ACSM2A: variants seen among roughly 807,000 people sequenced by gnomAD.
ACSM2A encodes acyl-CoA synthetase medium chain family member 2A.
A neutral mutation model predicts 76.6 loss-of-function variants in ACSM2A; 72 were observed. The observed-to-expected ratio is 0.94, with a 90% CI of 0.78 to 1.14. The LOEUF (loss-of-function observed/expected upper bound fraction) is 1.14, where lower values mean the gene tolerates loss of function less well. Ranked by LOEUF, ACSM2A falls within the 50% of genes most tolerant of loss-of-function variation. The pLI, the probability that ACSM2A is intolerant of heterozygous loss-of-function variation, is 0.00. For synonymous variants in ACSM2A, 249 were observed against 255.9 expected (o/e 0.97, Z 0.26); for missense variants, 684 against 708.5 (o/e 0.97, Z 0.39).
chr16:20,484,997 C>T (rs959617631), intron 13 of ACSM2A, among the ~76,000 whole-genome samples: 1 of 152,118 alleles, frequency 6.6e-6, no homozygotes, highest in Non-Finnish European at 1.5e-5. Flanking sequence ...TTGGGTTCAA[C>T]GTTCACCTCC....
Position 20,471,207 on chromosome 16 carries a change from T to A in ACSM2A, c.731T>A (p.Met244Lys), listed in dbSNP as rs370892610. The change falls in exon 5 of 14, where the codon ATG becomes AAG. Residue 244 changes from methionine to lysine, a missense_variant. Around this residue, in one of 3 missense-constraint regions of ACSM2A, gnomAD observed 519 missense variants for 549.5 expected, o/e 0.94. Coordinates refer to ENST00000573854, the MANE Select transcript of ACSM2A (RefSeq NM_001308172.2). The stretch of plus-strand genomic sequence containing the variant: ...TCGAGCCTGGGCCTCAAGGCCAAGA[T>A]GGATGCTGGGTAAGCTGAGCTCTTT... ...SYSSLGLKAK[M>K]DAGWTGLQAS... 6.2e-7 allele frequency: 1 copy of A among 1,610,070 alleles called. No individual in the cohort carries two copies. The highest frequency in any genetic ancestry group is 1.7e-5 in the Admixed American group (1 of 59,760).
chr16:20,480,805 G>A lies in ACSM2A; in HGVS notation c.1410-17G>A, dbSNP rs372341902. 9 of 1,613,782 alleles carry A rather than the reference G, an allele frequency of 5.6e-6. No homozygotes were observed. The highest frequency in any genetic ancestry group is 4.0e-5 in the African/African-American group (3 of 74,888). On this transcript the variant is annotated splice_polypyrimidine_tract_variant and intron_variant, in intron 11 of 13. Coordinates refer to ENST00000573854, the MANE Select transcript of ACSM2A (RefSeq NM_001308172.2). The stretch of plus-strand genomic sequence containing the variant: ...GTTCGGTGTCCAGTGTTCTCTGAAG[G>A]ACAGGTTCTTCTGCAGGTACCGGAT...
chr16:20,470,039 G>C (rs1471646182), intron 4 of ACSM2A, among the ~76,000 whole-genome samples: 1 of 152,108 alleles, frequency 6.6e-6, no homozygotes, highest in Non-Finnish European at 1.5e-5. Flanking sequence ...GGGTTGTCCT[G>C]GGGGTGTTAT....
Position 20,474,452 on chromosome 16 carries a change from G to A in ACSM2A, c.895-910G>A, listed in dbSNP as rs1159819195. 5.3e-5 allele frequency among the ~76,000 whole-genome samples: 8 copies of A among 152,122 alleles called. No homozygotes were observed. The South Asian group carries it at 1.5e-3, about 28-fold the overall frequency. ...CCCCGACCCTCCTTGGGACTCTGCG[G>A]AGTCCCCAACAGCAAGAAGGCTCTC... On this transcript the variant is annotated intron_variant, in intron 6 of 13. Transcript: ENST00000573854.
intron 3 of ACSM2A, 144 bp from the exon 4 acceptor site, chr16:20,469,367 TC>T: frequency 2.1e-6 from 3 of 1,452,924 alleles, no homozygotes; most frequent in Non-Finnish European, 2.7e-6. Context: ...TGTCCTTAGT[TC>T]CCTTTTTTAT....
Position 20,483,000 on chromosome 16 carries a change from T to A in ACSM2A, c.1510-58T>A, listed in dbSNP as rs1438572922. On this transcript the variant is annotated intron_variant, in intron 12 of 13. Transcript: ENST00000573854. Reference sequence around the variant, plus strand: ...AAGTCTTAATGCCAATTTCACATTATTCCAGGAGATGACTACACACTCTAA... The same window carrying A: ...AAGTCTTAATGCCAATTTCACATTAATCCAGGAGATGACTACACACTCTAA... The A allele has an allele frequency of 4.4e-6, 7 of 1,591,412 alleles. No individual in the cohort carries two copies. The Admixed American group carries it at 5.1e-5, about 12-fold the overall frequency.
At chr16:20,465,166 C>G (rs1596650658) in intron 2 of ACSM2A, among the ~76,000 whole-genome samples, 1 of 151,850 alleles carries the variant, frequency 6.6e-6, no homozygotes, top group African/African-American at 2.4e-5. Flanking sequence ...TAAATAGACG[C>G]AATAAATAAA....
chr16:20,472,929 C>A (rs1311442832), intron 6 of ACSM2A, among the ~76,000 whole-genome samples: 1 of 152,100 alleles, frequency 6.6e-6, no homozygotes, highest in Non-Finnish European at 1.5e-5. Context: ...TTTCTAGAAG[C>A]AATTCAGAAG....
chr16:20,474,019 A>G (rs2013575706), intron 6 of ACSM2A: 2 of 447,570 alleles, frequency 4.5e-6, no homozygotes, highest in South Asian at 1.6e-5. Context: ...ATAAGCTGGA[A>G]GCCCCCGCTT....
At chr16:20,469,217 G>A (rs184289140) in intron 3 of ACSM2A, among the ~76,000 whole-genome samples, 1 of 152,166 alleles carries the variant, frequency 6.6e-6, no homozygotes, top group African/African-American at 2.4e-5. Flanking sequence ...TTTTTTTGAG[G>A]GGTGAGAGTG....
rs372723545 is a variant in ACSM2A, at chr16:20,477,393, A to G, written c.1123A>G (p.Thr375Ala). ...ETGLTCMVSK[T>A]MKIKPGYMGT... is the part of the protein sequence containing the mutation. Reference sequence around the variant, plus strand: ...GGGATTAACTTGCATGGTTTCCAAGACAATGAAAATCAAACCAGGATACAT... The same window carrying G: ...GGGATTAACTTGCATGGTTTCCAAGGCAATGAAAATCAAACCAGGATACAT... Residue 375 changes from threonine to alanine, a missense_variant, in exon 9 of 14, where the codon ACA becomes GCA. By Grantham distance (58) the Thr-to-Ala change is moderately conservative. Around this residue, in one of 3 missense-constraint regions of ACSM2A, gnomAD observed 519 missense variants for 549.5 expected, o/e 0.94. Coordinates refer to ENST00000573854, the MANE Select transcript of ACSM2A (RefSeq NM_001308172.2). 20 of 1,609,902 alleles carry G rather than the reference A, an allele frequency of 1.2e-5. No individual in the cohort carries two copies. In the African/African-American group the frequency reaches 1.9e-4, roughly 15 times the overall value.
intron 2 of ACSM2A, among the ~76,000 whole-genome samples, chr16:20,462,817 T>C (rs2012708406): frequency 3.9e-5 from 6 of 152,014 alleles, no homozygotes; most frequent in Non-Finnish European, 7.4e-5. Flanking sequence ...ATTCCAACTC[T>C]GGGTATACAC....
chr16:20,454,483 G>A (rs1225828605), intron 1 of ACSM2A, among the ~76,000 whole-genome samples: 2 of 151,814 alleles, frequency 1.3e-5, no homozygotes, highest in African/African-American at 4.8e-5. Flanking sequence ...TTTGTCTGAG[G>A]AGGTAAACTC....
intron 4 of ACSM2A, among the ~76,000 whole-genome samples, 189 bp downstream of exon 4, chr16:20,469,908 A>G (rs1373318948): frequency 7.0e-6 from 1 of 143,202 alleles, no homozygotes; most frequent in Non-Finnish European, 1.5e-5. Flanking sequence ...AAATCATTGC[A>G]AGGACTAAAT....
chr16:20,458,905 CATATATATATATATAT>C (rs72108144), intron 1 of ACSM2A, among the ~76,000 whole-genome samples: 1 of 74,872 alleles, frequency 1.3e-5, no homozygotes, highest in Non-Finnish European at 2.4e-5. Context: ...TATATATATG[CATATATATATATATAT>C]ATATATATAT....
chr16:20,471,237 C>A (rs776216589), intron 5 of ACSM2A, 21 bp downstream of exon 5: 1 of 1,604,896 alleles, frequency 6.2e-7, no homozygotes, highest in South Asian at 1.1e-5. Context: ...CTCTTTCTCT[C>A]TACAGAGAAT....
At chr16:20,483,032 C>G in intron 12 of ACSM2A, 26 bp from the exon 13 acceptor site, 1 of 1,612,502 alleles carries the variant, frequency 6.2e-7, no homozygotes, top group South Asian at 1.1e-5. Flanking sequence ...CTAATCCCTT[C>G]TCTCTGGCCT....
chr16:20,458,892 T>TTATATATATATGCATATATATA (rs1410106681), intron 1 of ACSM2A, among the ~76,000 whole-genome samples: 20 of 111,172 alleles, frequency 1.8e-4, no homozygotes, highest in Admixed American at 7.5e-4. Context: ...ATAGTATATA[T>TTATATATATATGCATATATATA]TATATATATA....
At chr16:20,480,501 G>C in intron 10 of ACSM2A, 72 bp from the exon 11 acceptor site, 2 of 1,546,170 alleles carry the variant, frequency 1.3e-6, no homozygotes, top group South Asian at 2.6e-5. Context: ...CATAGCATTT[G>C]TTCATGGCAG....
Sources: allele counts gnomAD v4.1 joint callset (sites outside exome capture counted in the v4.1 genomes callset), GRCh38; gene constraint gnomAD v4.1.1; regional missense constraint gnomAD v4.1.1; transcripts MANE v1.5; gene names NCBI Gene and HGNC (gene_info 2026-07-23, HGNC 2026-07-21).